SERGEF: variants seen among roughly 807,000 people sequenced by gnomAD.
SERGEF encodes secretion regulating guanine nucleotide exchange factor.
A neutral mutation model predicts 50.0 loss-of-function variants in SERGEF; 51 were observed. That is an observed-to-expected ratio of 1.02 (90% CI 0.81 to 1.29). SERGEF has a LOEUF of 1.29. SERGEF is among the 50% of genes most tolerant of loss of function. The pLI, the probability that SERGEF is intolerant of heterozygous loss-of-function variation, is 0.00. For synonymous variants in SERGEF, 205 were observed against 212.4 expected (o/e 0.97, Z 0.30); for missense variants, 521 against 557.0 (o/e 0.94, Z 0.65).
intron 10 of SERGEF, among the ~76,000 whole-genome samples, chr11:17,793,661 C>T (rs1849523743): frequency 6.6e-6 from 1 of 152,250 alleles, no homozygotes; most frequent in African/African-American, 2.4e-5. Flanking sequence ...GGGCTCTCTG[C>T]AGTGTGCTTG....
chr11:17,836,304 A>C (rs1850396640), intron 10 of SERGEF, among the ~76,000 whole-genome samples: 1 of 152,224 alleles, frequency 6.6e-6, no homozygotes, highest in Non-Finnish European at 1.5e-5. Flanking sequence ...ATTGGGCAAG[A>C]AGGCCTTGCA....
chr11:17,943,010 G>C (rs531577267), intron 9 of SERGEF, among the ~76,000 whole-genome samples: 1 of 151,936 alleles, frequency 6.6e-6, no homozygotes, highest in Non-Finnish European at 1.5e-5. Context: ...ATATTTTGTT[G>C]CAGATTTTTG....
At position 17,916,149 on chromosome 11, in the gene SERGEF, T is replaced by C. The variant is rs1391558851; in HGVS notation, c.1012-37905A>G. Among the ~76,000 whole-genome samples, 4 of 152,224 alleles carry C rather than the reference T, an allele frequency of 2.6e-5. No individual in the cohort carries two copies. The East Asian group carries it at 7.7e-4, about 29-fold the overall frequency. ...TAGAATAACTTTCCAAACAAAATGC[T>C]CAAGAGAGCCAAAAGTTATACAGTT... is the stretch of plus-strand genomic sequence containing the variant. On this transcript the variant is annotated intron_variant, in intron 9 of 10. Transcript: ENST00000265965.
intron 9 of SERGEF, among the ~76,000 whole-genome samples, chr11:17,953,829 C>A (rs961583060): frequency 3.9e-5 from 6 of 152,142 alleles, no homozygotes; most frequent in African/African-American, 1.4e-4. Context: ...GTGCTTGTTT[C>A]ACCATCTCTC....
At chr11:17,889,092 T>C (rs1163473530) in intron 9 of SERGEF, among the ~76,000 whole-genome samples, 2 of 152,130 alleles carry the variant, frequency 1.3e-5, no homozygotes, top group Non-Finnish European at 2.9e-5. Flanking sequence ...ATGCCAAAAA[T>C]AATAAATGTA....
chr11:17,945,721 C>A (rs193224333), intron 9 of SERGEF, among the ~76,000 whole-genome samples: 1 of 152,006 alleles, frequency 6.6e-6, no homozygotes, highest in African/African-American at 2.4e-5. Context: ...CTAAGGCAGG[C>A]GGATTACCTG....
intron 10 of SERGEF, among the ~76,000 whole-genome samples, chr11:17,797,974 C>T (rs1224519180): frequency 2.0e-5 from 3 of 152,074 alleles, no homozygotes; most frequent in Non-Finnish European, 4.4e-5. Flanking sequence ...AAAAGTCCTT[C>T]CAATCCTGGA....
At chr11:17,811,330 C>A (rs566214661) in intron 10 of SERGEF, among the ~76,000 whole-genome samples, 1 of 152,324 alleles carries the variant, frequency 6.6e-6, no homozygotes, top group East Asian at 1.9e-4. Flanking sequence ...GCCAGGAGAG[C>A]AGCTGGTAGG....
At chr11:17,823,255 T>C (rs1850115410) in intron 10 of SERGEF, among the ~76,000 whole-genome samples, 1 of 152,148 alleles carries the variant, frequency 6.6e-6, no homozygotes, top group Non-Finnish European at 1.5e-5. Flanking sequence ...ACCACAGAGG[T>C]GAAGTGTCCT....
At chr11:18,000,471 T>TA (rs924778887) in intron 5 of SERGEF, 26 bp downstream of exon 5, 3 of 1,499,010 alleles carry the variant, frequency 2.0e-6, no homozygotes, top group African/African-American at 1.4e-5. Flanking sequence ...AAAATAAAAA[T>TA]AAAAAAATAA....
intron 9 of SERGEF, among the ~76,000 whole-genome samples, chr11:17,916,848 T>C (rs1238394187): frequency 6.6e-6 from 1 of 152,212 alleles, no homozygotes; most frequent in African/African-American, 2.4e-5. Context: ...TTCATCCCTG[T>C]TATCCCCCTA....
intron 9 of SERGEF, among the ~76,000 whole-genome samples, chr11:17,903,930 T>C (rs1016328875): frequency 2.0e-5 from 3 of 152,248 alleles, no homozygotes; most frequent in Non-Finnish European, 4.4e-5. Context: ...CCATCAACTA[T>C]GAACACTATA....
At chr11:17,890,026 C>CAA (rs59805347) in intron 9 of SERGEF, among the ~76,000 whole-genome samples, 931 of 73,750 alleles carry the variant, frequency 0.013, 3 homozygotes, top group Non-Finnish European at 0.019. Context: ...ACACTTCAAC[C>CAA]AAAAAAAAAA....
intron 8 of SERGEF, among the ~76,000 whole-genome samples, chr11:17,960,511 C>A (rs183132770): frequency 2.0e-5 from 3 of 152,112 alleles, no homozygotes; most frequent in East Asian, 3.8e-4. Flanking sequence ...TAACCATGTG[C>A]GTTGTATAAA....
intron 10 of SERGEF, among the ~76,000 whole-genome samples, chr11:17,806,690 A>G (rs1849762129): frequency 6.6e-6 from 1 of 152,198 alleles, no homozygotes; most frequent in South Asian, 2.1e-4. Flanking sequence ...GACCCAAAAG[A>G]GAAAGGGAGA....
chr11:18,007,329 T>C (rs1308197603), intron 2 of SERGEF, among the ~76,000 whole-genome samples: 2 of 152,236 alleles, frequency 1.3e-5, no homozygotes, highest in African/African-American at 4.8e-5. Context: ...AATGGAGCCC[T>C]GCTAACTCAC....
At chr11:17,830,672 G>GAGAGAGAGAGAGAGAC (rs1850288862) in intron 10 of SERGEF, among the ~76,000 whole-genome samples, 1 of 144,982 alleles carries the variant, frequency 6.9e-6, no homozygotes, top group African/African-American at 2.6e-5. Context: ...GAGAGAGAGA[G>GAGAGAGAGAGAGAGAC]AGAGAGAGAG....
intron 9 of SERGEF, among the ~76,000 whole-genome samples, chr11:17,942,998 T>C (rs1234889362): frequency 6.6e-6 from 1 of 152,174 alleles, no homozygotes; most frequent in Non-Finnish European, 1.5e-5. Context: ...TTTGATTTGC[T>C]AATATTTTGT....
At chr11:17,915,512 A>C (rs1852033198) in intron 9 of SERGEF, among the ~76,000 whole-genome samples, 1 of 152,222 alleles carries the variant, frequency 6.6e-6, no homozygotes, top group Non-Finnish European at 1.5e-5. Flanking sequence ...CATTCCATCA[A>C]ACTGAAACAC....
Sources: gnomAD v4.1 joint callset for allele counts (sites outside exome capture counted in the v4.1 genomes callset) on GRCh38, gnomAD v4.1.1 for gene constraint, MANE v1.5 for transcripts, NCBI Gene and HGNC (gene_info 2026-07-23, HGNC 2026-07-21) for gene names.